The following HPSE2 variants were observed in gnomAD, a reference collection of about 807,000 sequenced individuals.
HPSE2 encodes heparanase 2 (inactive).
A neutral mutation model predicts 60.5 loss-of-function variants in HPSE2; 38 were observed. The observed-to-expected ratio is 0.63, with a 90% CI of 0.48 to 0.82. The LOEUF is 0.82. HPSE2 is among the 40% of genes least tolerant of loss of function. The pLI is 0.00. For missense variants in HPSE2, 713 were observed against 740.4 expected, an observed-to-expected ratio of 0.96 and a Z score of 0.43; for synonymous variants, 295 against 293.2, an observed-to-expected ratio of 1.01 and a Z score of -0.06.
At chr10:99,039,804 G>C (rs1957696242) in intron 3 of HPSE2, among the ~76,000 whole-genome samples, 1 of 152,004 alleles carries the variant, frequency 6.6e-6, no homozygotes, top group African/African-American at 2.4e-5. Flanking sequence ...TCAATCAGTA[G>C]AAAGGGAAAA....
chr10:99,181,194 T>G (rs10786517), intron 2 of HPSE2, among the ~76,000 whole-genome samples: 5 of 149,098 alleles, frequency 3.4e-5, no homozygotes, highest in Admixed American at 2.7e-4. Context: ...GTCAGGAGAT[T>G]GAGACCATCC....
intron 9 of HPSE2, among the ~76,000 whole-genome samples, chr10:98,499,357 G>A (rs1032943931): frequency 2.6e-5 from 4 of 152,126 alleles, no homozygotes; most frequent in African/African-American, 9.7e-5. Flanking sequence ...TCAGCCTCCT[G>A]AAACAAAACA....
intron 3 of HPSE2, among the ~76,000 whole-genome samples, chr10:98,868,176 A>G (rs956487992): frequency 6.6e-6 from 1 of 151,878 alleles, no homozygotes; most frequent in African/African-American, 2.4e-5. Context: ...AAAGAATGAG[A>G]TTCTGTCATT....
At chr10:98,908,106 A>G (rs1163370083) in intron 3 of HPSE2, among the ~76,000 whole-genome samples, 1 of 152,196 alleles carries the variant, frequency 6.6e-6, no homozygotes, top group African/African-American at 2.4e-5. Context: ...ACTGTAATCA[A>G]TAATAGTTAC....
At chr10:98,498,150 G>A (rs539477875) in intron 9 of HPSE2, among the ~76,000 whole-genome samples, 1 of 152,292 alleles carries the variant, frequency 6.6e-6, no homozygotes, top group Admixed American at 6.5e-5. Context: ...GCATGCGGAG[G>A]CTCGCATCGT....
chr10:98,702,027 G>C (rs962976648), intron 5 of HPSE2, among the ~76,000 whole-genome samples: 1 of 152,124 alleles, frequency 6.6e-6, no homozygotes, highest in Non-Finnish European at 1.5e-5. Context: ...TGGATAAAGA[G>C]TCAAGACCCA....
At chr10:98,680,000 T>A (rs2134133918) in intron 6 of HPSE2, among the ~76,000 whole-genome samples, 1 of 152,266 alleles carries the variant, frequency 6.6e-6, no homozygotes, top group African/African-American at 2.4e-5. Context: ...CCAATAACAT[T>A]GAAACATTTT....
intron 9 of HPSE2, among the ~76,000 whole-genome samples, chr10:98,578,382 C>G (rs3853516): frequency 1.3e-5 from 2 of 151,892 alleles, no homozygotes; most frequent in African/African-American, 4.8e-5. Context: ...TCCACACTCT[C>G]ATGGGTTTGT....
chr10:98,630,948 G>A (rs185290930), intron 7 of HPSE2, among the ~76,000 whole-genome samples: 52 of 152,218 alleles, frequency 3.4e-4, no homozygotes, highest in African/African-American at 1.2e-3. Flanking sequence ...TGGCTAAACT[G>A]CCTCCATATT....
intron 2 of HPSE2, among the ~76,000 whole-genome samples, chr10:99,213,065 T>C (rs1462838863): frequency 1.3e-5 from 2 of 151,994 alleles, no homozygotes; most frequent in African/African-American, 2.4e-5. Flanking sequence ...GAGTGAGAAA[T>C]ACCAAAAGCA....
chr10:98,620,763 C>T (rs1565022490), intron 7 of HPSE2, 55 bp from the exon 8 acceptor site: 17 of 1,154,160 alleles, frequency 1.5e-5, no homozygotes, highest in Non-Finnish European at 2.1e-5. Flanking sequence ...GCTATTCCCA[C>T]ATGAGAAGAA....
intron 3 of HPSE2, among the ~76,000 whole-genome samples, chr10:99,027,990 G>A (rs1957416371): frequency 6.6e-6 from 1 of 152,058 alleles, no homozygotes; most frequent in South Asian, 2.1e-4. Flanking sequence ...AACTGGGGAA[G>A]GAACATACCT....
chr10:98,718,244 G>T (rs1301095275), intron 5 of HPSE2, among the ~76,000 whole-genome samples: 1 of 152,132 alleles, frequency 6.6e-6, no homozygotes, highest in African/African-American at 2.4e-5. Flanking sequence ...ATAAGGAAAT[G>T]AAAACAATAA....
the HPSE2 span, among the ~76,000 whole-genome samples, chr10:99,266,808 T>C: frequency 2.6e-5 from 4 of 152,122 alleles, no homozygotes; most frequent in South Asian, 2.1e-4. Context: ...GACCTGAAGA[T>C]TGTTCACATC....
At chr10:99,217,677 C>T (rs1159525651) in intron 2 of HPSE2, among the ~76,000 whole-genome samples, 1 of 152,090 alleles carries the variant, frequency 6.6e-6, no homozygotes, top group Admixed American at 6.5e-5. Context: ...CACTGCCTCA[C>T]ACTTGGGCTA....
At chr10:99,256,835 C>T in the HPSE2 span, among the ~76,000 whole-genome samples, 20 of 152,182 alleles carry the variant, frequency 1.3e-4, no homozygotes, top group African/African-American at 4.8e-4. Context: ...GAGCAGATCA[C>T]GAGGTCAAGA....
chr10:98,482,907 C>T, intron 10 of HPSE2, 125 bp from the exon 11 acceptor site: 2 of 942,372 alleles, frequency 2.1e-6, no homozygotes, highest in East Asian at 2.6e-5. Flanking sequence ...AACTTGGCCA[C>T]CATAGACCCT....
intron 3 of HPSE2, among the ~76,000 whole-genome samples, chr10:99,012,347 T>A (rs548898202): frequency 6.6e-6 from 1 of 152,242 alleles, no homozygotes; most frequent in Non-Finnish European, 1.5e-5. Context: ...CTGATCGCTA[T>A]CACATTCTGT....
At chr10:99,288,972 T>C in the HPSE2 span, among the ~76,000 whole-genome samples, 1 of 152,184 alleles carries the variant, frequency 6.6e-6, no homozygotes, top group Non-Finnish European at 1.5e-5. Flanking sequence ...TAGTAATCAT[T>C]AAAATACCAG....
Sources: allele counts gnomAD v4.1 joint callset (sites outside exome capture counted in the v4.1 genomes callset), GRCh38; gene constraint gnomAD v4.1.1; transcripts MANE v1.5; gene names NCBI Gene and HGNC (gene_info 2026-07-23, HGNC 2026-07-21).